SGIP1: variants seen among roughly 807,000 people sequenced by gnomAD.
SGIP1 encodes the protein SH3-containing GRB2-like protein 3-interacting protein 1.
In SGIP1, 38 loss-of-function variants were observed where a neutral mutation model predicts 107.5. That is an observed-to-expected ratio of 0.35 (90% CI 0.27 to 0.46). The LOEUF (loss-of-function observed/expected upper bound fraction) is 0.46, where lower values mean the gene tolerates loss of function less well. Ranked by LOEUF, SGIP1 falls within the 20% of genes least tolerant of loss-of-function variation. The probability of loss-of-function intolerance (pLI) is 1.00; values close to 1 mark genes in which losing one functional copy is unlikely to be tolerated. For missense variants in SGIP1, 929 were observed against 1,019.5 expected, an observed-to-expected ratio of 0.91 and a Z score of 1.21; for synonymous variants, 365 against 366.1, an observed-to-expected ratio of 1.00 and a Z score of 0.03.
chr1:66,703,290 G>C (rs2092150634), intron 18 of SGIP1, among the ~76,000 whole-genome samples: 1 of 152,114 alleles, frequency 6.6e-6, no homozygotes, highest in African/African-American at 2.4e-5. Flanking sequence ...CAAAGGCAAT[G>C]GTAGAATTGC....
At chr1:66,720,152 G>T (rs1003245995) in intron 19 of SGIP1, among the ~76,000 whole-genome samples, 1 of 152,060 alleles carries the variant, frequency 6.6e-6, no homozygotes, top group Non-Finnish European at 1.5e-5. Flanking sequence ...AAATTATATT[G>T]TGTATTTTAT....
At chr1:66,546,801 C>T (rs2056484910) in intron 1 of SGIP1, among the ~76,000 whole-genome samples, 3 of 152,104 alleles carry the variant, frequency 2.0e-5, no homozygotes, top group Admixed American at 2.0e-4. Flanking sequence ...TCTAATATCT[C>T]CTGGCACCTT....
At chr1:66,739,642 T>G in intron 22 of SGIP1, 105 bp downstream of exon 22, 5 of 1,182,648 alleles carry the variant, frequency 4.2e-6, no homozygotes. Context: ...AGCAGGCCTG[T>G]GCATTAGGGT....
chr1:66,555,222 A>T (rs949537802), intron 1 of SGIP1, among the ~76,000 whole-genome samples: 1 of 152,064 alleles, frequency 6.6e-6, no homozygotes, highest in Non-Finnish European at 1.5e-5. Flanking sequence ...TGCCCTCCTC[A>T]TATACATAGT....
intron 3 of SGIP1, among the ~76,000 whole-genome samples, chr1:66,634,776 T>C (rs2075460622): frequency 2.0e-5 from 3 of 152,356 alleles, no homozygotes; most frequent in South Asian, 4.1e-4. Context: ...ACAGGCTTTA[T>C]AGGTAATTGG....
At chr1:66,548,463 T>G (rs942354772) in intron 1 of SGIP1, among the ~76,000 whole-genome samples, 3 of 152,122 alleles carry the variant, frequency 2.0e-5, no homozygotes, top group Non-Finnish European at 4.4e-5. Flanking sequence ...CAAACGGTTC[T>G]GGCATTAGGC....
chr1:66,589,204 A>ATGTG, intron 1 of SGIP1, among the ~76,000 whole-genome samples: 1 of 57,502 alleles, frequency 1.7e-5, no homozygotes, highest in African/African-American at 6.0e-5. Flanking sequence ...ATATATATAT[A>ATGTG]TATATATATA....
At chr1:66,664,255 C>G (rs531758508) in intron 8 of SGIP1, among the ~76,000 whole-genome samples, 4 of 151,624 alleles carry the variant, frequency 2.6e-5, no homozygotes, top group Non-Finnish European at 2.9e-5. Flanking sequence ...CCTTTTTTTT[C>G]TAATTTCATT....
chr1:66,741,123 C>T, intron 23 of SGIP1, 149 bp from the exon 24 acceptor site: 1 of 832,966 alleles, frequency 1.2e-6, no homozygotes, highest in Non-Finnish European at 1.8e-6. Flanking sequence ...AATAGAATTG[C>T]TCATAATATT....
intron 7 of SGIP1, among the ~76,000 whole-genome samples, chr1:66,657,839 C>T (rs769276732): frequency 7.9e-5 from 12 of 152,292 alleles, no homozygotes; most frequent in Middle Eastern, 3.4e-3. Flanking sequence ...AATATCACTC[C>T]CATTTCTCTT....
rs879255900 is a variant in SGIP1, at chr1:66,547,530, G to A, written c.10+13162G>A. ...TTTCCTGCTATCTTCTGTCTTCATG[G>A]CAACCCAGTTCAAGTTGGCACAATG... On this transcript the variant is annotated intron_variant, in intron 1 of 24. Transcript: ENST00000371037. 9.9e-5 allele frequency among the ~76,000 whole-genome samples: 15 copies of A among 152,182 alleles called. No individual in the cohort carries two copies. The East Asian group carries it at 2.7e-3, about 27-fold the overall frequency.
At chr1:66,586,052 A>G (rs932671435) in intron 1 of SGIP1, among the ~76,000 whole-genome samples, 1 of 152,162 alleles carries the variant, frequency 6.6e-6, no homozygotes, top group African/African-American at 2.4e-5. Context: ...TTTAGTGCCT[A>G]AACATTAAGA....
At chr1:66,540,047 C>T (rs189476984) in intron 1 of SGIP1, among the ~76,000 whole-genome samples, 12 of 152,162 alleles carry the variant, frequency 7.9e-5, no homozygotes, top group African/African-American at 2.9e-4. Flanking sequence ...ATATAAATGG[C>T]TCAGATAACT....
chr1:66,689,099 C>T (rs767643271), intron 15 of SGIP1, 49 bp from the exon 16 acceptor site: 1 of 1,583,754 alleles, frequency 6.3e-7, no homozygotes, highest in African/African-American at 1.4e-5. Flanking sequence ...GATAACAGCG[C>T]TTTGGCCCCC....
At chr1:66,665,680 A>T (rs971721356) in intron 8 of SGIP1, among the ~76,000 whole-genome samples, 3 of 152,108 alleles carry the variant, frequency 2.0e-5, no homozygotes, top group Non-Finnish European at 4.4e-5. Context: ...GTGTGAGATG[A>T]TATCTCATTG....
intron 7 of SGIP1, among the ~76,000 whole-genome samples, chr1:66,658,866 G>A (rs1218508114): frequency 6.6e-6 from 1 of 152,144 alleles, no homozygotes; most frequent in Non-Finnish European, 1.5e-5. Context: ...TTTGGCAGGC[G>A]AATCTGGGAA....
At chr1:66,589,922 G>A (rs1031340253) in intron 1 of SGIP1, among the ~76,000 whole-genome samples, 1 of 152,010 alleles carries the variant, frequency 6.6e-6, no homozygotes, top group Non-Finnish European at 1.5e-5. Context: ...TTTATAGACA[G>A]TGACACACAA....
chr1:66,620,362 A>C (rs2070689280), intron 1 of SGIP1, among the ~76,000 whole-genome samples: 1 of 152,170 alleles, frequency 6.6e-6, no homozygotes. Flanking sequence ...ATCTATCATA[A>C]TGTACTAGCC....
chr1:66,605,682 T>C (rs1343482317), intron 1 of SGIP1, among the ~76,000 whole-genome samples: 1 of 151,956 alleles, frequency 6.6e-6, no homozygotes. Context: ...GGTATTTTTG[T>C]CATGACCGTT....
Sources: gnomAD v4.1 joint callset for allele counts (sites outside exome capture counted in the v4.1 genomes callset) on GRCh38, gnomAD v4.1.1 for gene constraint, MANE v1.5 for transcripts, NCBI Gene and HGNC (gene_info 2026-07-23, HGNC 2026-07-21) for gene names.